ZDHHC18: variants seen among roughly 807,000 people sequenced by gnomAD.
ZDHHC18 encodes zDHHC palmitoyltransferase 18.
In ZDHHC18, 23 loss-of-function variants were observed where a neutral mutation model predicts 37.5. The ratio of observed to expected loss-of-function variants is 0.61; its 90% CI spans 0.44 to 0.87. The LOEUF (loss-of-function observed/expected upper bound fraction) is 0.87. Among genes scored for constraint, ZDHHC18 ranks in the 40% least tolerant of loss-of-function variants. The probability of loss-of-function intolerance (pLI) is 0.00; values close to 1 mark genes in which losing one functional copy is unlikely to be tolerated. For missense variants in ZDHHC18, 406 were observed against 525.6 expected, an observed-to-expected ratio of 0.77 and a Z score of 2.22; for synonymous variants, 185 against 218.7, an observed-to-expected ratio of 0.85 and a Z score of 1.36.
chr1:26,850,290 C>T lies in ZDHHC18; in HGVS notation c.647-11C>T. ...GCCCACACTAACCCATCGCCCCTTG[C>T]CCTTGTCCAGAACGATTTGACCATC... On this transcript the variant is annotated splice_polypyrimidine_tract_variant and intron_variant, in intron 3 of 7. Transcript: ENST00000374142. The surrounding 1 kb of genome is among the most constrained non-coding windows in gnomAD (Gnocchi z 6.1). 6.2e-7 allele frequency: 1 copy of T among 1,613,838 alleles called. No homozygotes were observed. The highest frequency in any genetic ancestry group is 1.1e-5 in the South Asian group (1 of 91,040).
chr1:26,848,604 TC>T lies in ZDHHC18; in HGVS notation c.497-3del, dbSNP rs766357738. The T allele has an allele frequency of 2.5e-6, 4 of 1,608,090 alleles. No homozygotes were observed. The African/African-American group carries it at 5.3e-5, about 21-fold the overall frequency. On this transcript the variant is annotated splice_region_variant and splice_polypyrimidine_tract_variant and intron_variant, in intron 2 of 7. Coordinates refer to ENST00000374142, the MANE Select transcript of ZDHHC18 (RefSeq NM_032283.3). ...TCCCCATCTTTCTCTCCTCCTTCCC[TC>T]AGACAACACAGGCAGTTCTACATAC... is the stretch of plus-strand genomic sequence containing the variant.
chr1:26,843,761 G>C (rs2081649899), intron 2 of ZDHHC18, among the ~76,000 whole-genome samples: 1 of 151,624 alleles, frequency 6.6e-6, no homozygotes, highest in South Asian at 2.1e-4. Flanking sequence ...CTGCACTCCA[G>C]CCTGGGCAAC....
At chr1:26,853,562 C>T (rs1047897318) in intron 7 of ZDHHC18, among the ~76,000 whole-genome samples, 164 bp from the exon 8 acceptor site, 2 of 152,226 alleles carry the variant, frequency 1.3e-5, no homozygotes, top group African/African-American at 4.8e-5. Context: ...AGAGGCCTGC[C>T]AGAGGTAAGA....
chr1:26,831,621 C>T (rs551536951), intron 1 of ZDHHC18, among the ~76,000 whole-genome samples: 134 of 152,246 alleles, frequency 8.8e-4, no homozygotes, highest in African/African-American at 2.8e-3. Context: ...AATGTTCTAG[C>T]CCTAAGATGG....
intron 7 of ZDHHC18, 67 bp downstream of exon 7, chr1:26,852,932 G>T (rs573653428): frequency 6.8e-7 from 1 of 1,466,708 alleles, no homozygotes; most frequent in South Asian, 1.2e-5. Flanking sequence ...AGTGTTCCTG[G>T]ATATCAGCCG....
chr1:26,853,875 G>A lies in ZDHHC18; in HGVS notation c.*32G>A. 6.3e-7 allele frequency: 1 copy of A among 1,597,034 alleles called. No individual in the cohort carries two copies. Among genetic ancestry groups the A allele is most frequent in the Non-Finnish European group, 8.6e-7 (1 of 1,167,308 alleles). The stretch of plus-strand genomic sequence containing the variant: ...CTCAGTACTTGCCACCTGCTGGCCT[G>A]TCTGACCCTCCGCACTCACCTGCCG... On this transcript the variant is annotated 3_prime_UTR_variant, in exon 8 of 8. Transcript: ENST00000374142.
chr1:26,840,877 A>C (rs886084758), intron 2 of ZDHHC18, among the ~76,000 whole-genome samples: 1 of 147,180 alleles, frequency 6.8e-6, no homozygotes, highest in East Asian at 2.0e-4. Context: ...CTTCAACTGT[A>C]GTAGTTATCT....
chr1:26,848,856 T>C, intron 3 of ZDHHC18, 99 bp downstream of exon 3: 1 of 1,487,820 alleles, frequency 6.7e-7, no homozygotes, highest in East Asian at 2.5e-5. Flanking sequence ...GGGCAGGGTC[T>C]GAAATACCCA....
At chr1:26,832,291 G>A (rs1162884331) in intron 1 of ZDHHC18, among the ~76,000 whole-genome samples, 156 bp from the exon 2 acceptor site, 4 of 152,204 alleles carry the variant, frequency 2.6e-5, no homozygotes, top group Non-Finnish European at 4.4e-5. Flanking sequence ...GGGAGTGGCT[G>A]CACTCATCAA....
intron 1 of ZDHHC18, among the ~76,000 whole-genome samples, chr1:26,831,014 C>T (rs2081586979): frequency 6.6e-6 from 1 of 152,174 alleles, no homozygotes; most frequent in Non-Finnish European, 1.5e-5. Flanking sequence ...AACTCCTGAC[C>T]TCAGGTATCC....
At chr1:26,843,137 CTTT>C (rs1336807710) in intron 2 of ZDHHC18, among the ~76,000 whole-genome samples, 1 of 141,978 alleles carries the variant, frequency 7.0e-6, no homozygotes, top group Non-Finnish European at 1.6e-5. Flanking sequence ...TTCTTTCTTT[CTTT>C]TTTTTTTTTT....
At position 26,854,856 on chromosome 1, in the gene ZDHHC18, T is replaced by G. The variant is rs1202397019; in HGVS notation, c.*1013T>G. ...GAGTGAGAGTGTGTGTGCATGTGTG[T>G]GTGTGTTCATGTGTGCCCTGTATGA... On this transcript the variant is annotated 3_prime_UTR_variant, in exon 8 of 8. Transcript: ENST00000374142. This position sits in a 1 kb window ranked among gnomAD's most constrained non-coding sequence, Gnocchi z 4.6. The G allele has an allele frequency of 6.6e-6, 1 of 152,402 alleles. No individual in the cohort carries two copies. The highest frequency in any genetic ancestry group is 1.5e-5 in the Non-Finnish European group (1 of 68,168). 9.4% of individuals were successfully genotyped at this position (152,402 alleles called of 1,614,324 possible).
chr1:26,827,668 C>G (rs1290974323), intron 1 of ZDHHC18, among the ~76,000 whole-genome samples: 1 of 152,180 alleles, frequency 6.6e-6, no homozygotes, highest in Non-Finnish European at 1.5e-5. Flanking sequence ...TCGCTGCCCT[C>G]TCCGGGTCCC....
At chr1:26,848,902 C>G (rs932550800) in intron 3 of ZDHHC18, 145 bp downstream of exon 3, 48 of 1,274,094 alleles carry the variant, frequency 3.8e-5, no homozygotes, top group Non-Finnish European at 5.0e-5. Flanking sequence ...CCAGATTTGC[C>G]CTGACTCAGG....
At chr1:26,833,737 G>T (rs1165332660) in intron 2 of ZDHHC18, among the ~76,000 whole-genome samples, 1 of 152,036 alleles carries the variant, frequency 6.6e-6, no homozygotes, top group Non-Finnish European at 1.5e-5. Flanking sequence ...TCCGGTCCGT[G>T]GTTAGCTCCT....
intron 1 of ZDHHC18, 117 bp from the exon 2 acceptor site, chr1:26,832,330 C>T: frequency 7.6e-7 from 1 of 1,308,734 alleles, no homozygotes; most frequent in African/African-American, 1.5e-5. Flanking sequence ...CAGAGCGAGG[C>T]TGTATTCAAG....
At chr1:26,841,557 T>C (rs2081639209) in intron 2 of ZDHHC18, among the ~76,000 whole-genome samples, 1 of 152,202 alleles carries the variant, frequency 6.6e-6, no homozygotes, top group African/African-American at 2.4e-5. Context: ...CCAAAGCCTA[T>C]GTCCAAGTCA....
intron 2 of ZDHHC18, among the ~76,000 whole-genome samples, chr1:26,837,863 C>T (rs2081620657): frequency 6.6e-6 from 1 of 152,166 alleles, no homozygotes; most frequent in Admixed American, 6.5e-5. Context: ...CCTACTGGTC[C>T]CTGGCACCCC....
rs2081732499 is a variant in ZDHHC18 at position 26,856,054 on chromosome 1, T to G, written c.*2211T>G. 2.7e-6 allele frequency: 1 copy of G among 368,214 alleles called. No individual in the cohort carries two copies. The allele number at this position is 368,214 out of a possible 1,614,324, so 22.8% of individuals were successfully genotyped here. A position where few individuals can be genotyped will look rare whatever the true frequency, so the allele number is the denominator to read the frequency against. On this transcript the variant is annotated 3_prime_UTR_variant, in exon 8 of 8. Coordinates refer to ENST00000374142, the MANE Select transcript of ZDHHC18 (RefSeq NM_032283.3). The surrounding 1 kb of genome is among the most constrained non-coding windows in gnomAD (Gnocchi z 5.2). ...CTCCGATCCCCAATGAGTGCCCAGC[T>G]AAGAAAATGTTTGAGACAGTAGATT...
Sources: gnomAD v4.1 joint callset for allele counts (sites outside exome capture counted in the v4.1 genomes callset) on GRCh38, gnomAD v4.1.1 for gene constraint, Gnocchi (gnomAD v3.1) non-coding constraint, MANE v1.5 for transcripts, NCBI Gene and HGNC (gene_info 2026-07-23, HGNC 2026-07-21) for gene names.